The following PLBD1 variants were observed in gnomAD, a reference collection of about 807,000 sequenced individuals.
PLBD1 encodes the protein lysosomal leucine aminopeptidase.
In PLBD1, 60 loss-of-function variants were observed where a neutral mutation model predicts 63.0. The ratio of observed to expected loss-of-function variants is 0.95; its 90% CI spans 0.77 to 1.18. The LOEUF is 1.18. Among genes scored for constraint, PLBD1 ranks in the 50% most tolerant of loss-of-function variants. The probability of loss-of-function intolerance (pLI) is 0.00; values close to 1 mark genes in which losing one functional copy is unlikely to be tolerated. For missense variants in PLBD1, 598 were observed against 677.9 expected, an observed-to-expected ratio of 0.88 and a Z score of 1.31; for synonymous variants, 262 against 248.0, an observed-to-expected ratio of 1.06 and a Z score of -0.53.
At position 14,516,198 on chromosome 12, in the gene PLBD1, G is replaced by A. The variant is rs190257616; in HGVS notation, c.845-4487C>T. Among the ~76,000 whole-genome samples, 280 of 151,998 alleles carry A rather than the reference G, an allele frequency of 1.8e-3. 1 individual carries two copies. Among genetic ancestry groups the A allele is most frequent in the African/African-American group, 6.3e-3 (261 of 41,452 alleles). ...ACAAAAATTAGCTGGGCACGGTGGC[G>A]CGCGCCTGTAATCCCAGTTACTCAG... On this transcript the variant is annotated intron_variant, in intron 6 of 10. Coordinates refer to ENST00000240617, the MANE Select transcript of PLBD1 (RefSeq NM_024829.6).
chr12:14,522,353 A>T (rs1483791917), intron 6 of PLBD1, among the ~76,000 whole-genome samples: 1 of 152,230 alleles, frequency 6.6e-6, no homozygotes, highest in Non-Finnish European at 1.5e-5. Context: ...AAGTAATGAG[A>T]TTGAATTAGT....
intron 2 of PLBD1, among the ~76,000 whole-genome samples, chr12:14,551,528 G>C (rs758716593): frequency 3.3e-5 from 5 of 152,118 alleles, no homozygotes; most frequent in Non-Finnish European, 7.3e-5. Flanking sequence ...CTTCAAAAGT[G>C]GCTGCTATGA....
At chr12:14,522,435 A>T (rs11056008) in intron 6 of PLBD1, among the ~76,000 whole-genome samples, 47,078 of 152,040 alleles carry the variant, frequency 0.31, 8,275 homozygotes, top group East Asian at 0.57. Context: ...CAAACATTAA[A>T]GAAAAACTAA....
chr12:14,529,849 G>T (rs1945445467), intron 6 of PLBD1, among the ~76,000 whole-genome samples: 1 of 152,160 alleles, frequency 6.6e-6, no homozygotes. Flanking sequence ...GAGATGTCAT[G>T]ATTGTATATA....
At chr12:14,511,192 A>G in intron 8 of PLBD1, 68 bp downstream of exon 8, 3 of 1,307,948 alleles carry the variant, frequency 2.3e-6, no homozygotes, top group Non-Finnish European at 3.1e-6. Flanking sequence ...CACAATGTGC[A>G]TTCCCCTACC....
At chr12:14,555,074 T>C (rs1175900226) in intron 1 of PLBD1, among the ~76,000 whole-genome samples, 1 of 152,184 alleles carries the variant, frequency 6.6e-6, no homozygotes, top group Non-Finnish European at 1.5e-5. Context: ...ATCCCTATAT[T>C]TTTATGCTAC....
intron 2 of PLBD1, among the ~76,000 whole-genome samples, chr12:14,543,385 A>G (rs890518306): frequency 1.3e-5 from 2 of 152,162 alleles, no homozygotes; most frequent in African/African-American, 4.8e-5. Flanking sequence ...TTGTTCAAAG[A>G]TTTAGTTTTA....
rs1266006491 is a variant in PLBD1 at position 14,507,331 on chromosome 12, T to G, written c.1187-213A>C. ...TTCCTAAATCAGCACAGCTCTAGGT[T>G]ATTTCATTAGGGGAAGAAGAGCATC... On this transcript the variant is annotated intron_variant, in intron 8 of 10. Transcript: ENST00000240617. Among the ~76,000 whole-genome samples, 4 of 152,228 alleles carry G rather than the reference T, an allele frequency of 2.6e-5. No homozygotes were observed. In the South Asian group the frequency reaches 6.2e-4, roughly 24 times the overall value.
intron 2 of PLBD1, among the ~76,000 whole-genome samples, chr12:14,546,243 A>G (rs554372863): frequency 1.3e-5 from 2 of 151,974 alleles, no homozygotes; most frequent in South Asian, 2.1e-4. Context: ...GCTTGAACCC[A>G]GGAGGCTGAG....
At chr12:14,540,339 C>A (rs918306870) in intron 4 of PLBD1, among the ~76,000 whole-genome samples, 5 of 151,392 alleles carry the variant, frequency 3.3e-5, no homozygotes, top group Non-Finnish European at 5.9e-5. Context: ...GTAAAGCTTT[C>A]CCCCAGAATT....
At chr12:14,534,107 C>T (rs61920169) in intron 6 of PLBD1, among the ~76,000 whole-genome samples, 16 of 152,132 alleles carry the variant, frequency 1.1e-4, no homozygotes, top group African/African-American at 3.4e-4. Context: ...AACATTGTAC[C>T]GCTACACTCC....
At position 14,509,044 on chromosome 12, in the gene PLBD1, G is replaced by T. The variant is rs577323564; in HGVS notation, c.1187-1926C>A. ...AATGGCTATATGATATCATGTATTTGTTTGGGCAAAACATGTTTCTTTCTG... is the reference window on the plus strand; with the variant it reads ...AATGGCTATATGATATCATGTATTTTTTTGGGCAAAACATGTTTCTTTCTG... On this transcript the variant is annotated intron_variant, in intron 8 of 10. Coordinates refer to ENST00000240617, the MANE Select transcript of PLBD1 (RefSeq NM_024829.6). Among the ~76,000 whole-genome samples, 275 of 150,466 alleles carry T rather than the reference G, an allele frequency of 1.8e-3. 2 individuals carry two copies. Among genetic ancestry groups the T allele is most frequent in the African/African-American group, 6.4e-3 (262 of 40,810 alleles).
chr12:14,549,013 A>G (rs542875378), intron 2 of PLBD1, among the ~76,000 whole-genome samples: 5 of 152,344 alleles, frequency 3.3e-5, no homozygotes, highest in Non-Finnish European at 5.9e-5. Flanking sequence ...TATATCATTC[A>G]TGAGACATCA....
intron 6 of PLBD1, among the ~76,000 whole-genome samples, chr12:14,523,182 C>T (rs1468704503): frequency 2.0e-5 from 3 of 151,816 alleles, no homozygotes; most frequent in African/African-American, 4.8e-5. Flanking sequence ...AATCAATATA[C>T]AAAAATCTAT....
At chr12:14,543,447 G>A (rs1253810078) in intron 2 of PLBD1, among the ~76,000 whole-genome samples, 7 of 152,154 alleles carry the variant, frequency 4.6e-5, no homozygotes, top group South Asian at 2.1e-4. Context: ...GGCCGAGCAC[G>A]ATGGTTCACA....
intron 2 of PLBD1, among the ~76,000 whole-genome samples, chr12:14,545,004 C>T (rs983324870): frequency 2.0e-5 from 3 of 151,724 alleles, no homozygotes; most frequent in Non-Finnish European, 4.4e-5. Flanking sequence ...TTCTTTCCCC[C>T]CTCTCTGTCT....
intron 6 of PLBD1, among the ~76,000 whole-genome samples, chr12:14,533,630 G>A (rs1296049021): frequency 6.6e-6 from 1 of 152,208 alleles, no homozygotes; most frequent in Non-Finnish European, 1.5e-5. Context: ...AGATGAGGAA[G>A]AGGAAGAATA....
chr12:14,516,565 G>T (rs1945338308), intron 6 of PLBD1, among the ~76,000 whole-genome samples: 1 of 152,104 alleles, frequency 6.6e-6, no homozygotes, highest in African/African-American at 2.4e-5. Context: ...GAACATCTAA[G>T]TTTAAGAGGT....
Position 14,511,367 on chromosome 12 carries a change from A to G in PLBD1, c.1079T>C (p.Leu360Pro). ...TYNNQYMVLD[L>P]KKVKLNHSLD... Reference sequence around the variant, plus strand: ...ACTGTGGTTCAGCTTTACTTTCTTCAGGTCCAGAACCATGTATTGATTGTT... The same window carrying G: ...ACTGTGGTTCAGCTTTACTTTCTTCGGGTCCAGAACCATGTATTGATTGTT... Residue 360 changes from leucine (L) to proline (P), a missense_variant, in exon 8 of 11, where the codon CTG becomes CCG. Transcript: ENST00000240617. 6.2e-7 allele frequency: 1 copy of G among 1,613,788 alleles called. No individual in the cohort carries two copies. Among genetic ancestry groups the G allele is most frequent in the Non-Finnish European group, 8.5e-7 (1 of 1,179,818 alleles).
Sources: gnomAD v4.1 joint callset for allele counts (sites outside exome capture counted in the v4.1 genomes callset) on GRCh38, gnomAD v4.1.1 for gene constraint, MANE v1.5 for transcripts, NCBI Gene and HGNC (gene_info 2026-07-23, HGNC 2026-07-21) for gene names.